TEX14: variants seen among roughly 807,000 people sequenced by gnomAD.
TEX14 encodes the protein testis expressed 14, intercellular bridge forming factor.
TEX14 carries 168 observed loss-of-function variants against 178.6 expected under a neutral mutation model. That is an observed-to-expected ratio of 0.94 (90% CI 0.83 to 1.07). TEX14 has a LOEUF of 1.07. TEX14 is among the 50% of genes least tolerant of loss of function. The pLI, the probability that TEX14 is intolerant of heterozygous loss-of-function variation, is 0.00. For synonymous variants in TEX14, 626 were observed against 634.1 expected, an observed-to-expected ratio of 0.99 and a Z score of 0.19; for missense variants, 1,730 against 1,753.6, an observed-to-expected ratio of 0.99 and a Z score of 0.24.
intron 14 of TEX14, among the ~76,000 whole-genome samples, chr17:58,595,060 C>T (rs555845851): frequency 6.6e-6 from 1 of 152,246 alleles, no homozygotes; most frequent in South Asian, 2.1e-4. Flanking sequence ...AGCCCTATAT[C>T]ATGATGCTTC....
intron 1 of TEX14, chr17:58,660,585 T>C (rs765009055): frequency 7.5e-6 from 6 of 795,446 alleles, no homozygotes; most frequent in Non-Finnish European, 9.2e-6. Context: ...GATTAGCCCA[T>C]GTTCTGTCGG....
At chr17:58,658,740 C>T (rs998059645) in intron 1 of TEX14, among the ~76,000 whole-genome samples, 5 of 152,068 alleles carry the variant, frequency 3.3e-5, no homozygotes, top group Non-Finnish European at 2.9e-5. Context: ...AATTTATCTG[C>T]ACAGAAAAAC....
chr17:58,660,460 T>C, intron 1 of TEX14: 1 of 586,072 alleles, frequency 1.7e-6, no homozygotes, highest in Non-Finnish European at 3.1e-6. Context: ...AAAGCAACAT[T>C]AAGCATCTTT....
intron 2 of TEX14, among the ~76,000 whole-genome samples, chr17:58,633,569 G>A (rs531131322): frequency 2.2e-4 from 33 of 152,126 alleles, no homozygotes; most frequent in Admixed American, 2.1e-3. Flanking sequence ...GTGGCTCACG[G>A]CTGTAATCCC....
At chr17:58,652,109 T>C in intron 1 of TEX14, 107 bp from the exon 2 acceptor site, 1 of 814,826 alleles carries the variant, frequency 1.2e-6, no homozygotes. Flanking sequence ...TCATTAATAA[T>C]GAAGATTAGG....
chr17:58,647,966 G>C (rs1419493748), intron 2 of TEX14: 1 of 152,312 alleles, frequency 6.6e-6, no homozygotes, highest in African/African-American at 2.4e-5. Context: ...CCAAAGTGCT[G>C]GGATTACACG....
At chr17:58,659,160 G>A (rs961731581) in intron 1 of TEX14, among the ~76,000 whole-genome samples, 2 of 152,080 alleles carry the variant, frequency 1.3e-5, no homozygotes, top group South Asian at 2.1e-4. Flanking sequence ...ACAGAAAAGC[G>A]CAAAAGCAGT....
chr17:58,688,437 A>T (rs1004497886), intron 1 of TEX14, among the ~76,000 whole-genome samples: 2 of 152,166 alleles, frequency 1.3e-5, no homozygotes, highest in African/African-American at 2.4e-5. Context: ...AAACATTTTT[A>T]AAAAACGTCT....
At chr17:58,578,953 T>C (rs1196175262) in intron 20 of TEX14, among the ~76,000 whole-genome samples, 1 of 152,218 alleles carries the variant, frequency 6.6e-6, no homozygotes, top group Non-Finnish European at 1.5e-5. Context: ...CACAGGTTGG[T>C]AGGTGGATAA....
chr17:58,662,417 A>T (rs367776342), intron 1 of TEX14, among the ~76,000 whole-genome samples: 1,354 of 37,004 alleles, frequency 0.037, 20 homozygotes, highest in African/African-American at 0.097. Flanking sequence ...CACATATCTC[A>T]CACACACACA....
intron 3 of TEX14, among the ~76,000 whole-genome samples, chr17:58,624,487 C>T (rs901848236): frequency 8.6e-5 from 13 of 151,338 alleles, no homozygotes; most frequent in African/African-American, 3.2e-4. Flanking sequence ...ATTATAGGTG[C>T]CCGCCACCCA....
At chr17:58,588,055 T>G (rs751515556) in intron 15 of TEX14, 34 bp from the exon 16 acceptor site, 8 of 818,948 alleles carry the variant, frequency 9.8e-6, no homozygotes, top group Middle Eastern at 2.2e-4. Context: ...ATAAGATCTC[T>G]AAGAGTATTT....
Position 58,584,497 on chromosome 17 carries a change from T to TA in TEX14, c.3171+2dup. 1 of 1,609,964 alleles carries TA rather than the reference T, an allele frequency of 6.2e-7. No individual in the cohort carries two copies. Among genetic ancestry groups the TA allele is most frequent in the East Asian group, 2.2e-5 (1 of 44,878 alleles). ...ACTTGGCTTTCCAGGCAGTATTACT[T>TA]ACACTGTAAGATTTCTCTACAGCCA... On this transcript the variant is annotated splice_region_variant and intron_variant, in intron 19 of 31. Transcript: ENST00000349033.
intron 5 of TEX14, among the ~76,000 whole-genome samples, chr17:58,618,352 T>C (rs891319998): frequency 2.0e-5 from 3 of 152,212 alleles, no homozygotes; most frequent in African/African-American, 4.8e-5. Context: ...AAAAGGAAAC[T>C]TGCTGGCCTG....
Position 58,556,749 on chromosome 17 carries a change from CA to C in TEX14, c.*261del, listed in dbSNP as rs533568101. 1.0e-4 allele frequency: 44 copies of C among 422,650 alleles called. No individual in the cohort carries two copies. The South Asian group carries it at 3.2e-3, about 31-fold the overall frequency. 26.2% of individuals were successfully genotyped at this position (422,650 alleles called of 1,614,324 possible). On this transcript the variant is annotated 3_prime_UTR_variant, in exon 32 of 32. Coordinates refer to ENST00000349033, the MANE Select transcript of TEX14 (RefSeq NM_031272.5). ...TTTTGAAAATTAACATCAACAAAAC[CA>C]AAGCCATTCTAGGCACAACCAAAAA...
chr17:58,676,229 A>G (rs1176190675), intron 1 of TEX14, among the ~76,000 whole-genome samples: 2 of 152,204 alleles, frequency 1.3e-5, no homozygotes, highest in East Asian at 3.9e-4. Context: ...TAAGAAAATT[A>G]GCCAGGCGTG....
Position 58,571,930 on chromosome 17 carries a change from C to G in TEX14, c.3708G>C (p.Leu1236=). Residue 1236 remains leucine (L), a synonymous_variant, in exon 24 of 32, where the codon CTG becomes CTC. Transcript: ENST00000349033. The part of the protein sequence containing the change: ...LTSSETPPSR[L]TGLKRLSSFI... ...GAATTGATATACTTACAAGACCAGTCAGTCTTGAAGGGGGAGTTTCAGAGG... is the reference window on the plus strand; with the variant it reads ...GAATTGATATACTTACAAGACCAGTGAGTCTTGAAGGGGGAGTTTCAGAGG... 1 of 1,613,456 alleles carries G rather than the reference C, an allele frequency of 6.2e-7. No homozygotes were observed. Among genetic ancestry groups the G allele is most frequent in the Non-Finnish European group, 8.5e-7 (1 of 1,179,556 alleles).
At chr17:58,630,256 C>T (rs1471831516) in intron 3 of TEX14, among the ~76,000 whole-genome samples, 184 bp downstream of exon 3, 2 of 151,510 alleles carry the variant, frequency 1.3e-5, no homozygotes, top group Non-Finnish European at 2.9e-5. Flanking sequence ...CAGGGTTTCA[C>T]CATGTTGGTG....
At chr17:58,658,384 C>T (rs374828215) in intron 1 of TEX14, among the ~76,000 whole-genome samples, 39 of 136,936 alleles carry the variant, frequency 2.8e-4, no homozygotes, top group Middle Eastern at 3.8e-3. Context: ...ACCTGTGCAC[C>T]GGCTTTTTTT....
Sources: gnomAD v4.1 joint callset for allele counts (sites outside exome capture counted in the v4.1 genomes callset) on GRCh38, gnomAD v4.1.1 for gene constraint, MANE v1.5 for transcripts, NCBI Gene and HGNC (gene_info 2026-07-23, HGNC 2026-07-21) for gene names.